The following TYW1B variants were observed in gnomAD, a reference collection of about 807,000 sequenced individuals.
TYW1B encodes the protein tRNA-yW synthesizing protein 1 homolog B, also known as S-adenosyl-L-methionine-dependent tRNA 4-demethylwyosine synthase TYW1B.
A neutral mutation model predicts 86.9 loss-of-function variants in TYW1B; 73 were observed. The ratio of observed to expected loss-of-function variants is 0.84; its 90% CI spans 0.70 to 1.02. TYW1B has a LOEUF of 1.02. Among genes scored for constraint, TYW1B ranks in the 50% least tolerant of loss-of-function variants. TYW1B has a pLI of 0.00. For missense variants in TYW1B, 637 were observed against 827.4 expected, an observed-to-expected ratio of 0.77 and a Z score of 2.82; for synonymous variants, 248 against 292.8, an observed-to-expected ratio of 0.85 and a Z score of 1.56.
intron 11 of TYW1B, among the ~76,000 whole-genome samples, chr7:72,661,892 G>A (rs1415657275): frequency 3.3e-5 from 5 of 151,854 alleles, no homozygotes; most frequent in Non-Finnish European, 7.4e-5. Flanking sequence ...GTTTGTGTTT[G>A]TTGTGGACTC....
intron 10 of TYW1B, among the ~76,000 whole-genome samples, chr7:72,705,263 G>A (rs116653621): frequency 0.014 from 2,075 of 152,282 alleles, 61 homozygotes; most frequent in African/African-American, 0.047. Flanking sequence ...AATACATAAA[G>A]AGACATCCAG....
At chr7:72,798,008 T>TACACAC (rs1245165473) in intron 6 of TYW1B, among the ~76,000 whole-genome samples, 31 of 58,768 alleles carry the variant, frequency 5.3e-4, no homozygotes, top group African/African-American at 8.0e-4. Flanking sequence ...TATTTATATA[T>TACACAC]ATACACACAC....
chr7:72,692,480 T>C lies in TYW1B; in HGVS notation c.1506+2207A>G, dbSNP rs565217482. 9.4e-4 allele frequency among the ~76,000 whole-genome samples: 143 copies of C among 152,186 alleles called. 3 individuals carry two copies. Among genetic ancestry groups the C allele is most frequent in the Non-Finnish European group, 1.7e-3 (115 of 67,998 alleles). ...AGTGAGCTATGATGGTGCCACTGTG[T>C]TCTAGCTTTGGTGACAGAGCAAGAC... is the stretch of plus-strand genomic sequence containing the variant. On this transcript the variant is annotated intron_variant, in intron 11 of 13. Coordinates refer to ENST00000620995, the MANE Select transcript of TYW1B (RefSeq NM_001145440.3).
chr7:72,642,884 G>C (rs1554441645), intron 11 of TYW1B, among the ~76,000 whole-genome samples: 1 of 152,170 alleles, frequency 6.6e-6, no homozygotes, highest in African/African-American at 2.4e-5. Flanking sequence ...CTGGGGAATA[G>C]AGCGAGACTC....
intron 11 of TYW1B, among the ~76,000 whole-genome samples, chr7:72,635,208 A>G (rs1347993694): frequency 2.0e-5 from 3 of 152,196 alleles, no homozygotes; most frequent in African/African-American, 7.2e-5. Context: ...AGTCCACTGT[A>G]ATAAATATGA....
intron 8 of TYW1B, among the ~76,000 whole-genome samples, chr7:72,731,889 G>A (rs752663706): frequency 3.3e-5 from 5 of 152,130 alleles, no homozygotes; most frequent in East Asian, 1.9e-4. Flanking sequence ...GCAGTGAACC[G>A]AGATTGTGCC....
intron 9 of TYW1B, among the ~76,000 whole-genome samples, chr7:72,728,240 T>A (rs1399815407): frequency 6.6e-5 from 10 of 152,222 alleles, no homozygotes; most frequent in Admixed American, 2.6e-4. Flanking sequence ...CTAGGAAGAT[T>A]GATGGTACAT....
At chr7:72,703,026 A>ATATATATATT (rs1563064838) in intron 10 of TYW1B, among the ~76,000 whole-genome samples, 1 of 35,204 alleles carries the variant, frequency 2.8e-5, no homozygotes. Flanking sequence ...ATATATATAT[A>ATATATATATT]TTTTTTTTTT....
intron 13 of TYW1B, among the ~76,000 whole-genome samples, chr7:72,586,511 A>T (rs1811280529): frequency 6.6e-6 from 1 of 152,074 alleles, no homozygotes; most frequent in African/African-American, 2.4e-5. Context: ...CTGAGGTGGG[A>T]GGATCACCTG....
rs1413780761 is a variant in TYW1B at position 72,622,736 on chromosome 7, CAT to C, written c.1618-5899_1618-5898del. Among the ~76,000 whole-genome samples, 4 of 151,340 alleles carry C rather than the reference CAT, an allele frequency of 2.6e-5. No individual in the cohort carries two copies. In the East Asian group the frequency reaches 5.8e-4, roughly 22 times the overall value. On this transcript the variant is annotated intron_variant, in intron 12 of 13. Coordinates refer to ENST00000620995, the MANE Select transcript of TYW1B (RefSeq NM_001145440.3). ...CACACACAACACACATACATGCACA[CAT>C]ACAACACACACAAGTGCACACACCA...
chr7:72,698,453 T>G (rs537516048), intron 10 of TYW1B, among the ~76,000 whole-genome samples: 17 of 152,022 alleles, frequency 1.1e-4, no homozygotes, highest in Non-Finnish European at 2.2e-4. Flanking sequence ...GAGACCAGCC[T>G]GGCCAACATG....
At chr7:72,757,877 T>C (rs189314929) in intron 7 of TYW1B, among the ~76,000 whole-genome samples, 1 of 152,346 alleles carries the variant, frequency 6.6e-6, no homozygotes, top group African/African-American at 2.4e-5. Context: ...TTGATCTTTG[T>C]AGCTAAGAAT....
At chr7:72,675,142 T>C (rs1403935835) in intron 11 of TYW1B, among the ~76,000 whole-genome samples, 3 of 151,824 alleles carry the variant, frequency 2.0e-5, no homozygotes, top group Non-Finnish European at 4.4e-5. Context: ...CTCACACCTG[T>C]AATCCCAGAA....
chr7:72,672,659 G>C (rs1188500918), intron 11 of TYW1B, among the ~76,000 whole-genome samples: 1 of 152,114 alleles, frequency 6.6e-6, no homozygotes, highest in African/African-American at 2.4e-5. Context: ...CATATCTGTG[G>C]GTTCTGCAGG....
chr7:72,782,176 C>G lies in TYW1B; in HGVS notation c.847-4643G>C, dbSNP rs191528183. Among the ~76,000 whole-genome samples, 109 of 152,084 alleles carry G rather than the reference C, an allele frequency of 7.2e-4. 1 individual carries two copies. The highest frequency in any genetic ancestry group is 5.6e-3 in the Admixed American group (85 of 15,260). ...TGGTGGCACGTGCCTGTCATCCGAG[C>G]CACTTGGGAGGCTGAGGTGGCAGAA... On this transcript the variant is annotated intron_variant, in intron 6 of 13. Coordinates refer to ENST00000620995, the MANE Select transcript of TYW1B (RefSeq NM_001145440.3).
intron 10 of TYW1B, among the ~76,000 whole-genome samples, chr7:72,705,760 C>G (rs1168259963): frequency 6.6e-6 from 1 of 152,124 alleles, no homozygotes; most frequent in Non-Finnish European, 1.5e-5. Flanking sequence ...AAGATAAGAA[C>G]AAACCAGTTC....
chr7:72,602,999 C>T (rs1410903773), intron 13 of TYW1B, among the ~76,000 whole-genome samples: 2 of 151,938 alleles, frequency 1.3e-5, no homozygotes, highest in Admixed American at 6.6e-5. Context: ...GGATTATAAC[C>T]CTAGGTAAAA....
chr7:72,783,890 T>C (rs1373913519), intron 6 of TYW1B, among the ~76,000 whole-genome samples: 2 of 152,108 alleles, frequency 1.3e-5, no homozygotes, highest in African/African-American at 4.8e-5. Flanking sequence ...AAGTAAACAC[T>C]CCAAAGCCTT....
At chr7:72,796,215 C>T (rs1461919753) in intron 6 of TYW1B, among the ~76,000 whole-genome samples, 1 of 60,036 alleles carries the variant, frequency 1.7e-5, no homozygotes, top group African/African-American at 4.8e-5. Context: ...CTACACAACA[C>T]GCCTCCTGTT....
Sources: gnomAD v4.1 joint callset for allele counts (sites outside exome capture counted in the v4.1 genomes callset) on GRCh38, gnomAD v4.1.1 for gene constraint, MANE v1.5 for transcripts, NCBI Gene and HGNC (gene_info 2026-07-23, HGNC 2026-07-21) for gene names.